The following CCDC14 variants were observed in gnomAD, a reference collection of about 807,000 sequenced individuals.
The protein encoded by CCDC14 is coiled-coil domain-containing protein 14.
Under a neutral mutation model 81.4 loss-of-function variants are expected in CCDC14, and 71 were observed. The observed-to-expected ratio is 0.87, with a 90% CI of 0.72 to 1.06. CCDC14 has a LOEUF of 1.06. Ranked by LOEUF, CCDC14 falls within the 50% of genes least tolerant of loss-of-function variation. The pLI is 0.00. For synonymous variants in CCDC14, 332 were observed against 364.8 expected, an observed-to-expected ratio of 0.91 and a Z score of 1.03; for missense variants, 1,046 against 1,047.3, an observed-to-expected ratio of 1.00 and a Z score of 0.02.
rs1456493139 is a variant in CCDC14, at chr3:123,956,371, G to C, written c.143C>G (p.Ser48Cys). 2.6e-6 allele frequency: 4 copies of C among 1,546,052 alleles called. No homozygotes were observed. The highest frequency in any genetic ancestry group is 1.2e-5 in the South Asian group (1 of 82,788). ...CAATCTTACCTGACTTTCTGAATCA[G>C]AATGGATGGAATAGCCAGAATCTGC... ...FNADSGYSIH[S>C]DSESQAETVH... Residue 48 changes from serine (S) to cysteine (C), a missense_variant, in exon 3 of 13, where the codon TCT becomes TGT. Physicochemically the swap from Ser to Cys is moderately radical, Grantham distance 112 (BLOSUM62 -1). Coordinates refer to ENST00000409697, the MANE Select transcript of CCDC14 (RefSeq NM_001366335.1).
intron 5 of CCDC14, chr3:123,952,757 T>C (rs1376922050): frequency 3.3e-6 from 1 of 304,442 alleles, no homozygotes; most frequent in African/African-American, 2.1e-5. Flanking sequence ...TAACATGCTG[T>C]AATAGATCGC....
In CCDC14 at chr3:123,946,829, T is replaced by C. The variant is rs1218966677; in HGVS notation, c.1175A>G (p.Glu392Gly). The change falls in exon 8 of 13, where the codon GAG becomes GGG. Residue 392 changes from glutamate to glycine, a missense_variant. Transcript: ENST00000409697. Reference protein sequence around the residue: ...KVRIIKYLLGELKALVAEQED... With the variant: ...KVRIIKYLLGGLKALVAEQED... ...TTGTTCTGCTACCAGGGCCTTGAGCTCTCCCAACAAATATTTTATAATTCT... is the reference window on the plus strand; with the variant it reads ...TTGTTCTGCTACCAGGGCCTTGAGCCCTCCCAACAAATATTTTATAATTCT... 6.2e-7 allele frequency: 1 copy of C among 1,613,698 alleles called. No individual in the cohort carries two copies. The highest frequency in any genetic ancestry group is 8.5e-7 in the Non-Finnish European group (1 of 1,179,822).
intron 9 of CCDC14, 118 bp downstream of exon 9, chr3:123,944,731 T>A (rs7615415): frequency 0.069 from 43,100 of 622,536 alleles, 6,195 homozygotes; most frequent in East Asian, 0.45. Flanking sequence ...AAAGTAGAAA[T>A]ACAGTAAGAC....
intron 12 of CCDC14, among the ~76,000 whole-genome samples, chr3:123,916,255 T>C (rs1277922993): frequency 6.6e-6 from 1 of 152,060 alleles, no homozygotes; most frequent in African/African-American, 2.4e-5. Flanking sequence ...CGCCTCAGCC[T>C]CCCAAAGTTC....
chr3:123,901,290 T>A (rs1329679934), intron 5 of CCDC14, among the ~76,000 whole-genome samples: 1 of 151,758 alleles, frequency 6.6e-6, no homozygotes, highest in Non-Finnish European at 1.5e-5. Flanking sequence ...CTTATTAAGA[T>A]ATCAGTGATA....
intron 5 of CCDC14, among the ~76,000 whole-genome samples, chr3:123,900,823 A>C (rs987830054): frequency 6.6e-5 from 10 of 152,170 alleles, no homozygotes; most frequent in Non-Finnish European, 1.2e-4. Context: ...ATATTAATTT[A>C]ATGTAGTTCC....
In CCDC14 at chr3:123,956,411, T is replaced by C; in HGVS notation, c.103A>G (p.Ile35Val). The C allele has an allele frequency of 6.5e-7, 1 of 1,546,298 alleles. No homozygotes were observed. ...CCAGAATCTGCATTAAAACGTGGTA[T>C]TTTTCTTAAATAGGTCCTGGAAAAC... The part of the protein sequence containing the change: ...NGKKATYLRK[I>V]PRFNADSGYS... The change falls in exon 3 of 13, where the codon ATA (isoleucine) becomes GTA (valine). Residue 35 changes from isoleucine (I) to valine (V), a missense_variant. Transcript: ENST00000409697.
intron 12 of CCDC14, among the ~76,000 whole-genome samples, chr3:123,925,343 T>C (rs1483325668): frequency 6.6e-6 from 1 of 151,866 alleles, no homozygotes; most frequent in Non-Finnish European, 1.5e-5. Flanking sequence ...GGATGTAAGG[T>C]AGGGTATGGG....
At chr3:123,908,169 C>T (rs1044980012) in intron 5 of CCDC14, among the ~76,000 whole-genome samples, 2 of 151,952 alleles carry the variant, frequency 1.3e-5, no homozygotes, top group Non-Finnish European at 2.9e-5. Flanking sequence ...AAGAGCAACC[C>T]AAAGCTAAAA....
chr3:123,944,775 T>A (rs1361303236), intron 9 of CCDC14, 74 bp downstream of exon 9: 10 of 1,138,126 alleles, frequency 8.8e-6, no homozygotes, highest in Non-Finnish European at 1.1e-5. Flanking sequence ...GTCCTAGGTA[T>A]GTCATTTGCA....
At position 123,949,012 on chromosome 3, in the gene CCDC14, A is replaced by G. The variant is rs764847014; in HGVS notation, c.473T>C (p.Ile158Thr). The G allele has an allele frequency of 4.3e-6, 7 of 1,613,800 alleles. No individual in the cohort carries two copies. Among genetic ancestry groups the G allele is most frequent in the East Asian group, 2.2e-5 (1 of 44,886 alleles). ...CACGTGCTCACAGAGGGCTTGGTAT[A>G]TTATGGGTGAATACATTCTATAATG... Reference protein sequence around the residue: ...QDHYRMYSPIIYQALCEHVQT... With the variant: ...QDHYRMYSPITYQALCEHVQT... Residue 158 changes from isoleucine to threonine, a missense_variant, in exon 6 of 13, where the codon ATA becomes ACA. Ile to Thr is a moderately conservative substitution (Grantham distance 89). Transcript: ENST00000409697.
the CCDC14 span, among the ~76,000 whole-genome samples, chr3:123,885,887 C>G: frequency 6.6e-6 from 1 of 152,064 alleles, no homozygotes; most frequent in African/African-American, 2.4e-5. Context: ...TTCCTCTCAT[C>G]TACTATTTGA....
chr3:123,913,249 C>T (rs936391529), downstream of CCDC14, among the ~76,000 whole-genome samples: 5 of 152,224 alleles, frequency 3.3e-5, no homozygotes, highest in Middle Eastern at 3.4e-3. Flanking sequence ...ATTTGTTTCT[C>T]GATCAAATTA....
In CCDC14 at chr3:123,956,096, A is replaced by G; in HGVS notation, c.179T>C (p.Leu60Pro). ...CCTCAGCAAAGAAGCACAACCATCA[A>G]GCCCGTGTACAGTTTCAGCCTGTAA... ...SESQAETVHG[L>P]DGCASLLRDI... is the part of the protein sequence containing the mutation. Residue 60 changes from leucine to proline, a missense_variant, in exon 4 of 13, where the codon CTT becomes CCT. By Grantham distance (98) the Leu-to-Pro change is moderately conservative. Coordinates refer to ENST00000409697, the MANE Select transcript of CCDC14 (RefSeq NM_001366335.1). 1 of 1,548,362 alleles carries G rather than the reference A, an allele frequency of 6.5e-7. No individual in the cohort carries two copies.
downstream of CCDC14, among the ~76,000 whole-genome samples, chr3:123,912,701 C>T (rs766675789): frequency 4.6e-5 from 7 of 152,026 alleles, no homozygotes; most frequent in Non-Finnish European, 7.4e-5. Context: ...TACCCAACTT[C>T]GCCTGGTAAT....
At chr3:123,930,563 G>A (rs150518903) in intron 12 of CCDC14, among the ~76,000 whole-genome samples, 136 of 152,340 alleles carry the variant, frequency 8.9e-4, no homozygotes, top group African/African-American at 3.0e-3. Context: ...GTTAGGGAAT[G>A]AAGTGATCTC....
chr3:123,958,874 T>C (rs555855791), intron 1 of CCDC14: 30 of 152,340 alleles, frequency 2.0e-4, no homozygotes, highest in African/African-American at 5.8e-4. Context: ...AGGTACTTTA[T>C]GTAAGTAAAA....
downstream of CCDC14, among the ~76,000 whole-genome samples, chr3:123,892,789 A>G (rs1205015647): frequency 1.3e-5 from 2 of 151,974 alleles, no homozygotes; most frequent in African/African-American, 2.4e-5. Flanking sequence ...AATATACATA[A>G]CCCAAAATTT....
the CCDC14 span, among the ~76,000 whole-genome samples, chr3:123,885,359 A>T: frequency 6.6e-6 from 1 of 151,972 alleles, no homozygotes; most frequent in Admixed American, 6.6e-5. Flanking sequence ...TACCTCAATG[A>T]CAACCCCCTT....
Sources: allele counts gnomAD v4.1 joint callset (sites outside exome capture counted in the v4.1 genomes callset), GRCh38; gene constraint gnomAD v4.1.1; transcripts MANE v1.5; gene names NCBI Gene and HGNC (gene_info 2026-07-23, HGNC 2026-07-21).